MIR2052HG: variants seen among roughly 807,000 people sequenced by gnomAD.
MIR2052HG encodes MIR2052 host gene.
chr8:74,740,742 C>G (rs964219138), intron 4 of MIR2052HG, among the ~76,000 whole-genome samples: 7 of 152,250 alleles, frequency 4.6e-5, no homozygotes, highest in African/African-American at 1.4e-4. Flanking sequence ...GAATACATGA[C>G]CAATTCCTCT....
intron 2 of MIR2052HG, among the ~76,000 whole-genome samples, chr8:74,643,255 T>C (rs560304621): frequency 1.6e-4 from 25 of 152,322 alleles, no homozygotes; most frequent in African/African-American, 5.8e-4. Flanking sequence ...CCTGAACAAC[T>C]GATTCAGAAT....
chr8:74,656,689 G>A (rs1808811057), intron 2 of MIR2052HG, among the ~76,000 whole-genome samples: 1 of 152,100 alleles, frequency 6.6e-6, no homozygotes, highest in East Asian at 1.9e-4. Context: ...TGATAGAGTT[G>A]GACCAGGAGA....
At chr8:74,617,404 G>T (rs768329626) in intron 2 of MIR2052HG, among the ~76,000 whole-genome samples, 1 of 151,878 alleles carries the variant, frequency 6.6e-6, no homozygotes, top group Non-Finnish European at 1.5e-5. Flanking sequence ...CATCCATGCT[G>T]CTACAAAAGA....
intron 4 of MIR2052HG, among the ~76,000 whole-genome samples, chr8:74,746,263 A>T (rs772408649): frequency 6.6e-6 from 1 of 152,192 alleles, no homozygotes; most frequent in Non-Finnish European, 1.5e-5. Flanking sequence ...AGCATCAGAG[A>T]TGTGCATAGT....
intron 4 of MIR2052HG, among the ~76,000 whole-genome samples, chr8:74,748,759 A>C (rs1430269545): frequency 6.6e-6 from 1 of 152,192 alleles, no homozygotes; most frequent in Non-Finnish European, 1.5e-5. Context: ...ATAAAGGAAA[A>C]AATTCTTGCT....
chr8:74,644,580 CAT>C (rs961885315), intron 2 of MIR2052HG, among the ~76,000 whole-genome samples: 1 of 151,890 alleles, frequency 6.6e-6, no homozygotes, highest in African/African-American at 2.4e-5. Flanking sequence ...TTTTGTGAAA[CAT>C]AGGTGCCCTG....
At chr8:74,603,657 G>A (rs1163047693) in intron 1 of MIR2052HG, 6 of 1,155,790 alleles carry the variant, frequency 5.2e-6, no homozygotes, top group Non-Finnish European at 7.9e-6. Context: ...GTCCTTGAAG[G>A]GTATAGGCCT....
At chr8:74,700,963 GATAA>G (rs1809351307) in intron 2 of MIR2052HG, among the ~76,000 whole-genome samples, 1 of 152,070 alleles carries the variant, frequency 6.6e-6, no homozygotes, top group African/African-American at 2.4e-5. Flanking sequence ...CTAAAGGAAA[GATAA>G]ATAAATATAT....
chr8:74,756,206 C>T (rs1809998959), intron 5 of MIR2052HG, among the ~76,000 whole-genome samples: 1 of 152,204 alleles, frequency 6.6e-6, no homozygotes, highest in South Asian at 2.1e-4. Flanking sequence ...ATGGGACACA[C>T]AGAATGAGGT....
chr8:74,676,120 A>G (rs1201280061), intron 2 of MIR2052HG, among the ~76,000 whole-genome samples: 6 of 152,080 alleles, frequency 3.9e-5, no homozygotes, highest in Admixed American at 3.9e-4. Context: ...ACCTGGAAAA[A>G]TGTGTTCCAA....
At position 74,714,935 on chromosome 8, in the gene MIR2052HG, C is replaced by T. The variant is rs556352823; in HGVS notation, n.371+11253C>T. On this transcript the variant is annotated intron_variant and non_coding_transcript_variant, in intron 4 of 6. Transcript: ENST00000523442. ...CCTCAAGTGATCCACCCGCCTTGGCCTCCCAAAGTGCTGGGATTACAGGCG... is the reference window on the plus strand; with the variant it reads ...CCTCAAGTGATCCACCCGCCTTGGCTTCCCAAAGTGCTGGGATTACAGGCG... 4.6e-5 allele frequency among the ~76,000 whole-genome samples: 7 copies of T among 152,196 alleles called. No individual in the cohort carries two copies. In the East Asian group the frequency reaches 5.8e-4, roughly 13 times the overall value.
At chr8:74,643,956 C>T (rs1261116643) in intron 2 of MIR2052HG, among the ~76,000 whole-genome samples, 1 of 152,156 alleles carries the variant, frequency 6.6e-6, no homozygotes, top group Non-Finnish European at 1.5e-5. Flanking sequence ...CTGGGGATTG[C>T]TTGGTGGTAA....
Position 74,714,849 on chromosome 8 carries a change from C to T in MIR2052HG, n.371+11167C>T, listed in dbSNP as rs575457818. ...CCTCCTGAGTAGCTGGGATTACAGG[C>T]GCTGCTGCCATGCCCAGCTAATTTT... is the stretch of plus-strand genomic sequence containing the variant. On this transcript the variant is annotated intron_variant and non_coding_transcript_variant, in intron 4 of 6. Coordinates refer to ENST00000523442, the Ensembl canonical transcript of MIR2052HG. Among the ~76,000 whole-genome samples, 248 of 151,876 alleles carry T rather than the reference C, an allele frequency of 1.6e-3. 2 individuals carry two copies. Among genetic ancestry groups the T allele is most frequent in the Non-Finnish European group, 1.0e-3 (69 of 67,930 alleles).
intron 2 of MIR2052HG, among the ~76,000 whole-genome samples, chr8:74,699,416 G>GTATATATATA (rs139522494): frequency 2.7e-5 from 4 of 148,082 alleles, no homozygotes; most frequent in African/African-American, 7.5e-5. Context: ...GTGTGTGTGT[G>GTATATATATA]TATATATATA....
At chr8:74,656,851 G>C (rs974674713) in intron 2 of MIR2052HG, among the ~76,000 whole-genome samples, 1 of 152,116 alleles carries the variant, frequency 6.6e-6, no homozygotes, top group African/African-American at 2.4e-5. Context: ...AGCTTTTCAG[G>C]GACAAAAGAA....
At chr8:74,689,486 T>A (rs1809217437) in intron 2 of MIR2052HG, among the ~76,000 whole-genome samples, 2 of 152,182 alleles carry the variant, frequency 1.3e-5, no homozygotes, top group African/African-American at 4.8e-5. Context: ...TGGTATAGTT[T>A]AAAATTTTTT....
intron 4 of MIR2052HG, among the ~76,000 whole-genome samples, chr8:74,742,565 A>T (rs570895908): frequency 6.6e-6 from 1 of 151,996 alleles, no homozygotes; most frequent in Non-Finnish European, 1.5e-5. Context: ...CAACCACATT[A>T]AAAAAAAGAG....
At chr8:74,673,567 G>T (rs1761539861) in intron 2 of MIR2052HG, among the ~76,000 whole-genome samples, 1 of 151,952 alleles carries the variant, frequency 6.6e-6, no homozygotes, top group African/African-American at 2.4e-5. Context: ...CTTTGCTTGT[G>T]TTACACTTTG....
At chr8:74,720,728 TGGGGGG>T (rs1478307544) in intron 4 of MIR2052HG, among the ~76,000 whole-genome samples, 1 of 152,086 alleles carries the variant, frequency 6.6e-6, no homozygotes, top group Non-Finnish European at 1.5e-5. Flanking sequence ...CTGGGTAATT[TGGGGGG>T]CGGTGTGTGT....
Sources: gnomAD v4.1 joint callset for allele counts (sites outside exome capture counted in the v4.1 genomes callset) on GRCh38, gnomAD v4.1.1 for gene constraint, MANE v1.5 for transcripts, NCBI Gene and HGNC (gene_info 2026-07-23, HGNC 2026-07-21) for gene names.